Variants in SPATA6 observed in about 807,000 individuals in gnomAD.
The protein encoded by SPATA6 is spermatogenesis associated 6, also known as spermatogenesis-associated protein 6.
A neutral mutation model predicts 65.3 loss-of-function variants in SPATA6; 56 were observed. The observed-to-expected ratio is 0.86, with a 90% confidence interval of 0.69 to 1.07. The LOEUF (loss-of-function observed/expected upper bound fraction) is 1.07. Among genes scored for constraint, SPATA6 ranks in the 50% least tolerant of loss-of-function variants. The probability of loss-of-function intolerance (pLI) is 0.00; values close to 1 mark genes in which losing one functional copy is unlikely to be tolerated. For synonymous variants in SPATA6, 199 were observed against 213.2 expected, an observed-to-expected ratio of 0.93 and a Z score of 0.58; for missense variants, 590 against 594.8, an observed-to-expected ratio of 0.99 and a Z score of 0.08.
chr1:48,376,366 T>A (rs1647908189), intron 9 of SPATA6, among the ~76,000 whole-genome samples: 1 of 152,102 alleles, frequency 6.6e-6, no homozygotes, highest in Non-Finnish European at 1.5e-5. Context: ...AATTTAGAGT[T>A]CTGTGAACTC....
intron 2 of SPATA6, among the ~76,000 whole-genome samples, chr1:48,451,870 GATT>G (rs1656603190): frequency 6.6e-6 from 1 of 152,084 alleles, no homozygotes; most frequent in African/African-American, 2.4e-5. Flanking sequence ...AACCCATCAA[GATT>G]ATTTTCAACT....
At chr1:48,370,736 A>G (rs1647214802) in intron 9 of SPATA6, among the ~76,000 whole-genome samples, 2 of 152,232 alleles carry the variant, frequency 1.3e-5, no homozygotes, top group Admixed American at 1.3e-4. Flanking sequence ...TGGTAAGAAA[A>G]TAAAAGCAAA....
At chr1:48,426,977 G>A (rs1570539464) in intron 3 of SPATA6, among the ~76,000 whole-genome samples, 1 of 151,626 alleles carries the variant, frequency 6.6e-6, no homozygotes, top group Non-Finnish European at 1.5e-5. Context: ...CCAGGCTGGA[G>A]TACAGTAGCA....
the SPATA6 span, among the ~76,000 whole-genome samples, chr1:48,286,477 T>C: frequency 3.9e-5 from 6 of 152,170 alleles, no homozygotes; most frequent in Non-Finnish European, 8.8e-5. Context: ...TGTTAGGGTA[T>C]AGAAGTAATA....
intron 11 of SPATA6, among the ~76,000 whole-genome samples, chr1:48,307,265 A>G (rs1645083460): frequency 6.6e-6 from 1 of 151,224 alleles, no homozygotes; most frequent in Non-Finnish European, 1.5e-5. Context: ...ATATAGGGGT[A>G]TTCAGACCTG....
chr1:48,373,755 A>C (rs1469436795), intron 9 of SPATA6, among the ~76,000 whole-genome samples: 1 of 152,234 alleles, frequency 6.6e-6, no homozygotes, highest in African/African-American at 2.4e-5. Flanking sequence ...AGAGAGAATG[A>C]GGAAGAAGCA....
chr1:48,458,231 C>G (rs549840122), intron 1 of SPATA6, among the ~76,000 whole-genome samples: 4 of 151,980 alleles, frequency 2.6e-5, no homozygotes, highest in African/African-American at 9.7e-5. Context: ...CAAAATGACA[C>G]AAGTAAATCT....
rs3767624 is a variant in SPATA6 at position 48,471,543 on chromosome 1, G to A, written c.51+415C>T. On this transcript the variant is annotated intron_variant, in intron 1 of 12. Coordinates refer to ENST00000371847, the MANE Select transcript of SPATA6 (RefSeq NM_019073.4). The stretch of plus-strand genomic sequence containing the variant: ...ATGGTGTGCCTGCAGGGATTCGGGA[G>A]GAAATGCGACGCCCACCCCCAGACT... Among the ~76,000 whole-genome samples, 2,912 of 152,250 alleles carry A rather than the reference G, an allele frequency of 0.019. 113 individuals are homozygous for A. The East Asian group carries it at 0.2, about 10-fold the overall frequency.
At chr1:48,400,313 C>G (rs1651044407) in intron 6 of SPATA6, among the ~76,000 whole-genome samples, 2 of 151,836 alleles carry the variant, frequency 1.3e-5, no homozygotes, top group South Asian at 4.1e-4. Context: ...GCATTATAAA[C>G]TTAGTAACAT....
chr1:48,369,114 G>A (rs189152570), intron 9 of SPATA6, among the ~76,000 whole-genome samples: 161 of 152,248 alleles, frequency 1.1e-3, no homozygotes, highest in African/African-American at 3.7e-3. Flanking sequence ...GCGGATTTTC[G>A]TGAACCGCGA....
chr1:48,424,642 C>A (rs1653668783), intron 3 of SPATA6, among the ~76,000 whole-genome samples: 1 of 152,142 alleles, frequency 6.6e-6, no homozygotes, highest in Non-Finnish European at 1.5e-5. Context: ...ACATCCTTAC[C>A]AGCATTTGTT....
In SPATA6 at chr1:48,339,756, C is replaced by T. The variant is rs540967917; in HGVS notation, c.1194+15914G>A. Among the ~76,000 whole-genome samples, 51 of 151,928 alleles carry T rather than the reference C, an allele frequency of 3.4e-4. 1 individual carries two copies. The highest frequency in any genetic ancestry group is 3.4e-3 in the Middle Eastern group (1 of 294). ...ATAGAATGATAAAAATTGGAAAGAG[C>T]GCAAGAAACTTGCAGGACACAATCA... On this transcript the variant is annotated intron_variant, in intron 11 of 12. Coordinates refer to ENST00000371847, the MANE Select transcript of SPATA6 (RefSeq NM_019073.4).
At chr1:48,421,118 T>C (rs1653290324) in intron 3 of SPATA6, among the ~76,000 whole-genome samples, 1 of 152,156 alleles carries the variant, frequency 6.6e-6, no homozygotes, top group Non-Finnish European at 1.5e-5. Flanking sequence ...CTAATGCTGG[T>C]GATCTATTGC....
chr1:48,264,445 G>A, the SPATA6 span, among the ~76,000 whole-genome samples: 5 of 152,190 alleles, frequency 3.3e-5, no homozygotes, highest in East Asian at 5.8e-4. Context: ...AGGTACACAC[G>A]TACCATGGTG....
the SPATA6 span, among the ~76,000 whole-genome samples, chr1:48,284,954 G>T: frequency 6.6e-6 from 1 of 152,152 alleles, no homozygotes; most frequent in African/African-American, 2.4e-5. Context: ...GAGCTCGAGC[G>T]CTGTGCTGAG....
chr1:48,463,577 GAA>G (rs1657600314), intron 1 of SPATA6, among the ~76,000 whole-genome samples: 1 of 152,056 alleles, frequency 6.6e-6, no homozygotes, highest in East Asian at 1.9e-4. Context: ...ATTACAATGA[GAA>G]AAAATATTGC....
chr1:48,314,849 G>A (rs1645355732), intron 11 of SPATA6, among the ~76,000 whole-genome samples: 2 of 152,062 alleles, frequency 1.3e-5, no homozygotes, highest in African/African-American at 2.4e-5. Context: ...ATAAAAAAAT[G>A]ATAAAGGGGA....
chr1:48,430,910 TAA>T (rs1570552809), intron 3 of SPATA6, among the ~76,000 whole-genome samples: 1 of 151,990 alleles, frequency 6.6e-6, no homozygotes, highest in African/African-American at 2.4e-5. Context: ...CAAAATGAAA[TAA>T]GTCTCTATCA....
At chr1:48,367,495 A>G (rs1570328528) in intron 9 of SPATA6, among the ~76,000 whole-genome samples, 3 of 152,312 alleles carry the variant, frequency 2.0e-5, no homozygotes, top group South Asian at 2.1e-4. Flanking sequence ...TTTGGTGCAT[A>G]TATATTTAGG....
Sources: gnomAD v4.1 joint callset for allele counts (sites outside exome capture counted in the v4.1 genomes callset) on GRCh38, gnomAD v4.1.1 for gene constraint, MANE v1.5 for transcripts, NCBI Gene and HGNC (gene_info 2026-07-23, HGNC 2026-07-21) for gene names.